Variants in GPD1L observed in about 807,000 individuals in gnomAD.
GPD1L encodes glycerol-3-phosphate dehydrogenase 1-like protein.
In GPD1L, 17 loss-of-function variants were observed where a neutral mutation model predicts 32.9. That is an observed-to-expected ratio of 0.52 (90% confidence interval 0.35 to 0.78). GPD1L has a LOEUF of 0.78. Among genes scored for constraint, GPD1L ranks in the 30% least tolerant of loss-of-function variants. The probability of loss-of-function intolerance (pLI) is 0.01; values close to 1 mark genes in which losing one functional copy is unlikely to be tolerated. For synonymous variants in GPD1L, 187 were observed against 165.9 expected (o/e 1.13, Z -0.98); for missense variants, 361 against 447.8 (o/e 0.81, Z 1.75).
rs1341136850 is a variant in GPD1L at position 32,128,087 on chromosome 3, T to C, written c.59T>C (p.Val20Ala). 5 of 1,611,142 alleles carry C rather than the reference T, an allele frequency of 3.1e-6. No individual in the cohort carries two copies. Among genetic ancestry groups the C allele is most frequent in the Non-Finnish European group, 4.2e-6 (5 of 1,177,524 alleles). Reference sequence around the variant, plus strand: ...GATTTCTTTTGTAGGGGTTCAGCTGTTGCAAAAATAATTGGTAATAATGTC... The same window carrying C: ...GATTTCTTTTGTAGGGGTTCAGCTGCTGCAAAAATAATTGGTAATAATGTC... The part of the protein sequence containing the change: ...IVGSGNWGSA[V>A]AKIIGNNVKK... Residue 20 changes from valine to alanine, a missense_variant, in exon 2 of 8, where the codon GTT (valine) becomes GCT (alanine). Transcript: ENST00000282541.
chr3:32,119,978 C>T (rs4557196), intron 1 of GPD1L, among the ~76,000 whole-genome samples: 62,823 of 151,954 alleles, frequency 0.41, 14,783 homozygotes, highest in East Asian at 0.64. Flanking sequence ...CTAAAATAAT[C>T]AAAAAGGTCA....
At chr3:32,126,916 A>C (rs899709393) in intron 1 of GPD1L, among the ~76,000 whole-genome samples, 1 of 152,192 alleles carries the variant, frequency 6.6e-6, no homozygotes, top group Non-Finnish European at 1.5e-5. Context: ...TGTGCAGCCA[A>C]AGTTGAGAAC....
At chr3:32,123,321 A>G (rs1454017010) in intron 1 of GPD1L, among the ~76,000 whole-genome samples, 1 of 152,214 alleles carries the variant, frequency 6.6e-6, no homozygotes, top group Non-Finnish European at 1.5e-5. Flanking sequence ...CTTGCCAGAT[A>G]TTACTACCTG....
chr3:32,111,253 T>A (rs1175318990), intron 1 of GPD1L, among the ~76,000 whole-genome samples: 1 of 152,226 alleles, frequency 6.6e-6, no homozygotes, highest in African/African-American at 2.4e-5. Flanking sequence ...CTCAGGGCTG[T>A]ATTTACAGCC....
chr3:32,150,988 G>A (rs1575119647), intron 5 of GPD1L: 4 of 229,450 alleles, frequency 1.7e-5, no homozygotes, highest in African/African-American at 2.4e-5. Context: ...CCAGCTACTC[G>A]AACTCCTGGC....
intron 7 of GPD1L, among the ~76,000 whole-genome samples, chr3:32,161,776 C>T (rs1197853944): frequency 6.6e-6 from 1 of 152,206 alleles, no homozygotes; most frequent in Admixed American, 6.5e-5. Flanking sequence ...CATTTTATTT[C>T]TTCTGATTAG....
At chr3:32,160,280 T>A (rs552905487) in intron 7 of GPD1L, among the ~76,000 whole-genome samples, 1 of 109,238 alleles carries the variant, frequency 9.2e-6, no homozygotes, top group East Asian at 2.8e-4. Context: ...GATGGGTGCA[T>A]GGGTAGATGG....
intron 4 of GPD1L, among the ~76,000 whole-genome samples, chr3:32,140,944 C>T (rs1700734093): frequency 6.6e-6 from 1 of 152,170 alleles, no homozygotes; most frequent in Non-Finnish European, 1.5e-5. Flanking sequence ...ACATTATTCT[C>T]ACATTGACGT....
chr3:32,159,459 A>C (rs1307399289), intron 6 of GPD1L, 109 bp from the exon 7 acceptor site: 10 of 762,024 alleles, frequency 1.3e-5, no homozygotes, highest in Non-Finnish European at 1.7e-5. Context: ...AGCAAGACCC[A>C]TTCTCTAAAA....
At chr3:32,165,565 G>A (rs899234688) in intron 7 of GPD1L, among the ~76,000 whole-genome samples, 7 of 152,194 alleles carry the variant, frequency 4.6e-5, no homozygotes, top group African/African-American at 9.7e-5. Flanking sequence ...TAGGATCACC[G>A]TGTGACTTGG....
chr3:32,125,621 C>T (rs1700496021), intron 1 of GPD1L, among the ~76,000 whole-genome samples: 1 of 152,180 alleles, frequency 6.6e-6, no homozygotes, highest in Non-Finnish European at 1.5e-5. Context: ...GTATTGAAGT[C>T]CACTGCAGTT....
intron 7 of GPD1L, among the ~76,000 whole-genome samples, chr3:32,163,249 A>G (rs1575124046): frequency 7.0e-6 from 1 of 141,956 alleles, no homozygotes; most frequent in East Asian, 2.1e-4. Flanking sequence ...GCTCACTGCA[A>G]CCTCCACCTC....
chr3:32,114,312 A>G (rs1384631617), intron 1 of GPD1L, among the ~76,000 whole-genome samples: 2 of 152,256 alleles, frequency 1.3e-5, no homozygotes, highest in South Asian at 4.1e-4. Context: ...AGAGTAAGAG[A>G]AGGCAAACCT....
chr3:32,147,279 T>G (rs1227782399), intron 5 of GPD1L, among the ~76,000 whole-genome samples: 1 of 152,242 alleles, frequency 6.6e-6, no homozygotes, highest in Non-Finnish European at 1.5e-5. Flanking sequence ...TTTTTGTAAG[T>G]GGAACTGTAC....
chr3:32,146,786 CATT>C, intron 5 of GPD1L, 52 bp downstream of exon 5: 1 of 999,518 alleles, frequency 1.0e-6, no homozygotes, highest in Non-Finnish European at 1.6e-6. Context: ...ATGTTAGCAT[CATT>C]GAGTCTAATC....
chr3:32,111,324 G>C (rs1700242937), intron 1 of GPD1L, among the ~76,000 whole-genome samples: 1 of 152,202 alleles, frequency 6.6e-6, no homozygotes, highest in Non-Finnish European at 1.5e-5. Context: ...TTGGAGGCAG[G>C]GTAGTGCAGT....
intron 2 of GPD1L, among the ~76,000 whole-genome samples, chr3:32,134,920 A>T (rs1196032412): frequency 6.6e-6 from 1 of 152,180 alleles, no homozygotes; most frequent in East Asian, 1.9e-4. Flanking sequence ...AAACATTGCC[A>T]CTCATATTAC....
chr3:32,156,173 G>T (rs894302337), intron 5 of GPD1L, among the ~76,000 whole-genome samples: 3 of 152,184 alleles, frequency 2.0e-5, no homozygotes, highest in African/African-American at 7.2e-5. Context: ...CTTCCATGAT[G>T]CTGCCTGTTG....
At chr3:32,129,592 A>G (rs1018605054) in intron 2 of GPD1L, among the ~76,000 whole-genome samples, 11 of 152,202 alleles carry the variant, frequency 7.2e-5, no homozygotes, top group African/African-American at 2.2e-4. Flanking sequence ...TACGGTTCAG[A>G]TTGATTCCTG....
Sources: allele counts gnomAD v4.1 joint callset (sites outside exome capture counted in the v4.1 genomes callset), GRCh38; gene constraint gnomAD v4.1.1; transcripts MANE v1.5; gene names NCBI Gene and HGNC (gene_info 2026-07-23, HGNC 2026-07-21).